Variants in CELF5 observed in about 807,000 individuals in gnomAD.
The protein encoded by CELF5 is CUG-BP and ETR-3 like factor 5.
Under a neutral mutation model 54.9 loss-of-function variants are expected in CELF5, and 6 were observed. The ratio of observed to expected loss-of-function variants is 0.11; its 90% CI spans 0.06 to 0.22. The LOEUF is 0.22. Among genes scored for constraint, CELF5 ranks in the 10% least tolerant of loss-of-function variants. The pLI is 1.00. For synonymous variants in CELF5, 271 were observed against 290.9 expected, an observed-to-expected ratio of 0.93 and a Z score of 0.70; for missense variants, 401 against 678.6, an observed-to-expected ratio of 0.59 and a Z score of 4.54.
chr19:3,228,512 G>C lies in CELF5; in HGVS notation c.259+3514G>C, dbSNP rs1010520617. ...AAGGTGCCCACGGTGGTACTGGTCC[G>C]CCGCTGCCACTGGGCCCCCCGTTTA... On this transcript the variant is annotated intron_variant, in intron 1 of 12. Coordinates refer to ENST00000292672, the MANE Select transcript of CELF5 (RefSeq NM_021938.4). This position sits in a 1 kb window ranked among gnomAD's most constrained non-coding sequence, Gnocchi z 6.0. Among the ~76,000 whole-genome samples the C allele has an allele frequency of 6.6e-6, 1 of 152,136 alleles. No homozygotes were observed. The highest frequency in any genetic ancestry group is 1.5e-5 in the Non-Finnish European group (1 of 68,016).
rs1343798025 is a variant in CELF5 at position 3,251,423 on chromosome 19, T to C, written c.342+356T>C. On this transcript the variant is annotated intron_variant, in intron 2 of 12. Transcript: ENST00000292672. ...CCAAGGCCCGGGGGAGGACCATGCC[T>C]GACGTGTTGGAGGAACAGGGAGGAG... Among the ~76,000 whole-genome samples the C allele has an allele frequency of 3.9e-5, 6 of 151,948 alleles. No individual in the cohort carries two copies. The East Asian group carries it at 9.7e-4, about 25-fold the overall frequency.
At chr19:3,267,938 C>T (rs867088421) in intron 2 of CELF5, among the ~76,000 whole-genome samples, 2 of 152,122 alleles carry the variant, frequency 1.3e-5, no homozygotes, top group Non-Finnish European at 1.5e-5. Flanking sequence ...GACAGTTTCA[C>T]CTCCCCAGAC....
chr19:3,272,959 A>G (rs920960328), intron 2 of CELF5, among the ~76,000 whole-genome samples: 6 of 152,020 alleles, frequency 3.9e-5, no homozygotes, highest in African/African-American at 1.4e-4. Flanking sequence ...GGTGCCAGTG[A>G]GAATTTTTTT....
chr19:3,230,477 T>G (rs1917203266), intron 1 of CELF5, among the ~76,000 whole-genome samples: 1 of 152,222 alleles, frequency 6.6e-6, no homozygotes, highest in South Asian at 2.1e-4. Context: ...TATGAAGGCC[T>G]GGAGGCATGA....
At chr19:3,238,441 G>C (rs999800412) in intron 1 of CELF5, among the ~76,000 whole-genome samples, 2 of 152,194 alleles carry the variant, frequency 1.3e-5, no homozygotes, top group African/African-American at 4.8e-5. Flanking sequence ...AAACTGGGGG[G>C]CTTGGAACAG....
At chr19:3,252,936 C>T (rs1432754039) in intron 2 of CELF5, among the ~76,000 whole-genome samples, 2 of 151,952 alleles carry the variant, frequency 1.3e-5, no homozygotes, top group Admixed American at 6.6e-5. Context: ...GAGGATGTGA[C>T]ATTTGAGAAA....
At chr19:3,256,496 G>A (rs10420340) in intron 2 of CELF5, among the ~76,000 whole-genome samples, 29,449 of 151,344 alleles carry the variant, frequency 0.19, 3,286 homozygotes, top group East Asian at 0.53. Context: ...CAAGAAATGG[G>A]GTGACTTTCA....
At chr19:3,241,256 T>C (rs1001422669) in intron 1 of CELF5, among the ~76,000 whole-genome samples, 25 of 150,168 alleles carry the variant, frequency 1.7e-4, no homozygotes, top group Admixed American at 7.3e-4. Flanking sequence ...TTTTTTTTTG[T>C]ATTTTTACTA....
In CELF5 at chr19:3,282,870, G is replaced by A. The variant is rs775258908; in HGVS notation, c.1039+372G>A. 2.0e-4 allele frequency among the ~76,000 whole-genome samples: 31 copies of A among 152,152 alleles called. No individual in the cohort carries two copies. The highest frequency in any genetic ancestry group is 3.3e-4 in the Admixed American group (5 of 15,276). ...GCTTCACACAGGGTCTCACTCTGTCGCCCAGGCTGCATTGCAGTGGCACAA... is the reference window on the plus strand; with the variant it reads ...GCTTCACACAGGGTCTCACTCTGTCACCCAGGCTGCATTGCAGTGGCACAA... On this transcript the variant is annotated intron_variant, in intron 8 of 12. Transcript: ENST00000292672. This position sits in a 1 kb window ranked among gnomAD's most constrained non-coding sequence, Gnocchi z 5.2.
At chr19:3,235,361 C>T (rs1568329620) in intron 1 of CELF5, among the ~76,000 whole-genome samples, 2 of 151,624 alleles carry the variant, frequency 1.3e-5, no homozygotes, top group South Asian at 2.1e-4. Context: ...CTATATATAT[C>T]GCTTTTAATT....
intron 10 of CELF5, among the ~76,000 whole-genome samples, chr19:3,288,643 T>C (rs1599485763): frequency 6.6e-6 from 1 of 151,586 alleles, no homozygotes; most frequent in African/African-American, 2.4e-5. Context: ...AGGCCAGGAG[T>C]TCAAGACCAG....
At chr19:3,238,105 G>A (rs1204917064) in intron 1 of CELF5, among the ~76,000 whole-genome samples, 1 of 152,144 alleles carries the variant, frequency 6.6e-6, no homozygotes, top group Non-Finnish European at 1.5e-5. Context: ...TGTAATCCCA[G>A]CACTTTGGGA....
chr19:3,281,088 C>G lies in CELF5; in HGVS notation c.604-111C>G. 1 of 1,309,028 alleles carries G rather than the reference C, an allele frequency of 7.6e-7. No individual in the cohort carries two copies. The allele number at this position is 1,309,028 out of a possible 1,614,324, so 81.1% of individuals were successfully genotyped here. On this transcript the variant is annotated intron_variant, in intron 5 of 12. Transcript: ENST00000292672. The surrounding 1 kb of genome is among the most constrained non-coding windows in gnomAD (Gnocchi z 6.5). ...GGCCCGTGGACATGGCTGACAGCCA[C>G]TGGCATTACACCCCTCACCCAGGAG... is the stretch of plus-strand genomic sequence containing the variant.
In CELF5 at chr19:3,228,072, A is replaced by G. The variant is rs1218418084; in HGVS notation, c.259+3074A>G. On this transcript the variant is annotated intron_variant, in intron 1 of 12. Transcript: ENST00000292672. This position sits in a 1 kb window ranked among gnomAD's most constrained non-coding sequence, Gnocchi z 6.0. ...GGGATGCGTCGAGGTGGTCTTCCGA[A>G]AGAGGGCAGGCCCTGGGGCGCTGGG... 2.0e-5 allele frequency among the ~76,000 whole-genome samples: 3 copies of G among 151,902 alleles called. No individual in the cohort carries two copies. Among genetic ancestry groups the G allele is most frequent in the African/African-American group, 7.3e-5 (3 of 41,336 alleles).
intron 12 of CELF5, chr19:3,296,191 A>AG (rs1175077745): frequency 1.3e-4 from 19 of 151,654 alleles, no homozygotes; most frequent in Admixed American, 1.1e-3. Context: ...TGTCTTTGTG[A>AG]GGGTGCCTCT....
intron 2 of CELF5, among the ~76,000 whole-genome samples, chr19:3,271,234 G>A (rs2079958276): frequency 7.2e-6 from 1 of 138,940 alleles, no homozygotes; most frequent in Non-Finnish European, 1.6e-5. Context: ...TCCTGCAGGT[G>A]CCCCCCCATC....
chr19:3,235,707 T>C (rs1311444281), intron 1 of CELF5, among the ~76,000 whole-genome samples: 1 of 147,034 alleles, frequency 6.8e-6, no homozygotes. Context: ...GATGGATGGA[T>C]GGATGGATGT....
chr19:3,256,010 A>T (rs905950624), intron 2 of CELF5, among the ~76,000 whole-genome samples: 1 of 147,934 alleles, frequency 6.8e-6, no homozygotes, highest in Non-Finnish European at 1.5e-5. Flanking sequence ...GGTTGCAGTG[A>T]GCCAAGATCA....
intron 1 of CELF5, among the ~76,000 whole-genome samples, chr19:3,226,267 T>TTGAA (rs112499585): frequency 0.12 from 18,125 of 150,330 alleles, 1,240 homozygotes; most frequent in Non-Finnish European, 0.15. Context: ...AATGAATGAA[T>TTGAA]TGAATGAATG....
Sources: allele counts gnomAD v4.1 joint callset (sites outside exome capture counted in the v4.1 genomes callset), GRCh38; gene constraint gnomAD v4.1.1; non-coding constraint Gnocchi (gnomAD v3.1); transcripts MANE v1.5; gene names NCBI Gene and HGNC (gene_info 2026-07-23, HGNC 2026-07-21).